RIT2: variants seen among roughly 807,000 people sequenced by gnomAD.
The protein encoded by RIT2 is GTP-binding protein Rit2.
A neutral mutation model predicts 23.7 loss-of-function variants in RIT2; 24 were observed. The observed-to-expected ratio is 1.01, with a 90% CI of 0.73 to 1.43. RIT2 has a LOEUF of 1.43. Ranked by LOEUF, RIT2 falls within the 40% of genes most tolerant of loss-of-function variation. The pLI is 0.00. For missense variants in RIT2, 236 were observed against 266.9 expected (o/e 0.88, Z 0.81); for synonymous variants, 107 against 91.1 (o/e 1.17, Z -0.99).
At chr18:42,923,213 C>T (rs549953839) in intron 4 of RIT2, among the ~76,000 whole-genome samples, 1 of 152,206 alleles carries the variant, frequency 6.6e-6, no homozygotes, top group African/African-American at 2.4e-5. Flanking sequence ...TCATGGTTAG[C>T]TTGGGCTTCT....
In RIT2 at chr18:42,921,689, A is replaced by C. The variant is rs139801556; in HGVS notation, c.426+1883T>G. 9.9e-4 allele frequency among the ~76,000 whole-genome samples: 151 copies of C among 152,284 alleles called. 2 individuals carry two copies. Among genetic ancestry groups the C allele is most frequent in the African/African-American group, 3.6e-3 (149 of 41,576 alleles). On this transcript the variant is annotated intron_variant, in intron 4 of 4. Transcript: ENST00000326695. ...ATGTTTCCTGAATGTTTTCAAATTC[A>C]CTAGTTTTTCAGAGTCACTTATAGC...
chr18:42,803,909 G>A (rs1905606910), intron 4 of RIT2, among the ~76,000 whole-genome samples: 1 of 152,192 alleles, frequency 6.6e-6, no homozygotes, highest in African/African-American at 2.4e-5. Context: ...ACTGGATCCT[G>A]AATAGGACAA....
At chr18:43,112,440 C>T (rs114130058) in intron 1 of RIT2, among the ~76,000 whole-genome samples, 256 of 152,294 alleles carry the variant, frequency 1.7e-3, no homozygotes, top group African/African-American at 5.8e-3. Flanking sequence ...TAGGACTGTG[C>T]ATAATACGTG....
intron 2 of RIT2, among the ~76,000 whole-genome samples, chr18:43,014,074 A>C (rs1911415858): frequency 6.6e-6 from 1 of 151,868 alleles, no homozygotes; most frequent in Non-Finnish European, 1.5e-5. Context: ...ACATTCATGA[A>C]GACATAGTCA....
chr18:42,759,219 T>G (rs532381200), intron 4 of RIT2, among the ~76,000 whole-genome samples: 1 of 152,318 alleles, frequency 6.6e-6, no homozygotes, highest in East Asian at 1.9e-4. Context: ...TCCACATCTC[T>G]GTTAATGACT....
At chr18:43,039,498 G>A (rs1436220134) in intron 1 of RIT2, among the ~76,000 whole-genome samples, 1 of 151,840 alleles carries the variant, frequency 6.6e-6, no homozygotes, top group East Asian at 1.9e-4. Flanking sequence ...ACAGGCATGT[G>A]ACACCATGCC....
intron 3 of RIT2, among the ~76,000 whole-genome samples, chr18:42,958,720 A>G (rs1422539283): frequency 6.6e-6 from 1 of 152,120 alleles, no homozygotes; most frequent in Non-Finnish European, 1.5e-5. Flanking sequence ...CTGTCTCTAC[A>G]TCTGAAATGA....
Position 42,890,583 on chromosome 18 carries a change from G to A in RIT2, c.426+32989C>T, listed in dbSNP as rs553755414. Among the ~76,000 whole-genome samples, 16 of 151,796 alleles carry A rather than the reference G, an allele frequency of 1.1e-4. No individual in the cohort carries two copies. In the South Asian group the frequency reaches 1.5e-3, roughly 14 times the overall value. ...AAGGAGGGAAGAAGAGAGAGAGAGA[G>A]AAGGAGAAGCAGGGAGGAAAGAAGG... On this transcript the variant is annotated intron_variant, in intron 4 of 4. Transcript: ENST00000326695.
At position 43,075,255 on chromosome 18, in the gene RIT2, C is replaced by G. The variant is rs1360908915; in HGVS notation, c.103+40162G>C. ...TCAGCAGCTCTTCCTTTTTTTATTT[C>G]TAATATAGGCACCATTAGTAATAAA... On this transcript the variant is annotated intron_variant, in intron 1 of 4. Transcript: ENST00000326695. Among the ~76,000 whole-genome samples the G allele has an allele frequency of 4.0e-5, 6 of 151,806 alleles. 1 individual carries two copies. Among genetic ancestry groups the G allele is most frequent in the Admixed American group, 1.3e-4 (2 of 15,264 alleles).
intron 1 of RIT2, among the ~76,000 whole-genome samples, chr18:43,067,931 T>C (rs1444281654): frequency 6.6e-6 from 1 of 152,110 alleles, no homozygotes; most frequent in Non-Finnish European, 1.5e-5. Context: ...ATTTTTGGTA[T>C]GCAAGACTAT....
chr18:42,959,741 T>C (rs1243973439), intron 3 of RIT2, among the ~76,000 whole-genome samples: 1 of 152,194 alleles, frequency 6.6e-6, no homozygotes, highest in Non-Finnish European at 1.5e-5. Flanking sequence ...CTATGAACCA[T>C]TGCTTAGAGG....
intron 1 of RIT2, among the ~76,000 whole-genome samples, chr18:43,071,407 G>A (rs553492325): frequency 6.6e-6 from 1 of 152,102 alleles, no homozygotes; most frequent in Non-Finnish European, 1.5e-5. Context: ...GAATTTGAAT[G>A]GGACAAAAAG....
intron 2 of RIT2, among the ~76,000 whole-genome samples, chr18:43,021,631 T>C (rs1171438018): frequency 1.3e-5 from 2 of 152,032 alleles, no homozygotes; most frequent in Non-Finnish European, 2.9e-5. Flanking sequence ...TTGTGAGATC[T>C]GGTTGTTTAA....
intron 1 of RIT2, among the ~76,000 whole-genome samples, chr18:43,089,679 A>G (rs991700310): frequency 6.6e-6 from 1 of 152,098 alleles, no homozygotes; most frequent in Non-Finnish European, 1.5e-5. Flanking sequence ...TGGCACTGGT[A>G]CAAAAGCAGA....
At chr18:42,847,858 G>A (rs1485953502) in intron 4 of RIT2, among the ~76,000 whole-genome samples, 1 of 151,452 alleles carries the variant, frequency 6.6e-6, no homozygotes, top group African/African-American at 2.4e-5. Flanking sequence ...ACAAATTGCT[G>A]TATTTTTTGA....
chr18:42,922,016 G>A (rs1193491026), intron 4 of RIT2, among the ~76,000 whole-genome samples: 1 of 152,058 alleles, frequency 6.6e-6, no homozygotes, highest in East Asian at 1.9e-4. Flanking sequence ...CATGTCTTTG[G>A]AGAAAGAGAA....
At chr18:43,009,408 T>C (rs766922207) in intron 2 of RIT2, among the ~76,000 whole-genome samples, 17 of 151,858 alleles carry the variant, frequency 1.1e-4, no homozygotes, top group South Asian at 4.1e-4. Flanking sequence ...TTCTGCACTC[T>C]CAGGTCCTAT....
At chr18:42,881,604 G>C (rs73951770) in intron 4 of RIT2, among the ~76,000 whole-genome samples, 9,546 of 152,126 alleles carry the variant, frequency 0.063, 855 homozygotes, top group African/African-American at 0.2. Context: ...TCTTGAAATT[G>C]TTCATGCTTT....
At chr18:42,828,801 C>T (rs1242114557) in intron 4 of RIT2, among the ~76,000 whole-genome samples, 1 of 152,206 alleles carries the variant, frequency 6.6e-6, no homozygotes, top group Non-Finnish European at 1.5e-5. Flanking sequence ...TCAGCCTTAT[C>T]ATGCTTCTCT....
Sources: gnomAD v4.1 joint callset for allele counts (sites outside exome capture counted in the v4.1 genomes callset) on GRCh38, gnomAD v4.1.1 for gene constraint, MANE v1.5 for transcripts, NCBI Gene and HGNC (gene_info 2026-07-23, HGNC 2026-07-21) for gene names.